The following EPHA6 variants were observed in gnomAD, a reference collection of about 807,000 sequenced individuals.
EPHA6 encodes ephrin type-A receptor 6.
In EPHA6, 50 loss-of-function variants were observed where a neutral mutation model predicts 112.0. The ratio of observed to expected loss-of-function variants is 0.45; its 90% CI spans 0.36 to 0.56. The LOEUF is 0.56. Ranked by LOEUF, EPHA6 falls within the 20% of genes least tolerant of loss-of-function variation. The pLI, the probability that EPHA6 is intolerant of heterozygous loss-of-function variation, is 0.00. For synonymous variants in EPHA6, 529 were observed against 490.7 expected (o/e 1.08, Z -1.03); for missense variants, 1,280 against 1,417.4 (o/e 0.90, Z 1.56).
intron 8 of EPHA6, among the ~76,000 whole-genome samples, chr3:97,478,031 T>G (rs2107471525): frequency 6.6e-6 from 1 of 152,244 alleles, no homozygotes; most frequent in Admixed American, 6.5e-5. Context: ...AGTTCTAGGG[T>G]ACATGTGCAC....
At chr3:97,570,531 A>C (rs920327222) in intron 11 of EPHA6, among the ~76,000 whole-genome samples, 1 of 152,160 alleles carries the variant, frequency 6.6e-6, no homozygotes, top group African/African-American at 2.4e-5. Flanking sequence ...GGAGTTGAAC[A>C]CCAGCCTGGC....
At chr3:97,596,871 A>G (rs2093596565) in intron 12 of EPHA6, among the ~76,000 whole-genome samples, 1 of 52,374 alleles carries the variant, frequency 1.9e-5, no homozygotes, top group Non-Finnish European at 3.3e-5. Flanking sequence ...ATATATATCT[A>G]TGGAATATAT....
At chr3:97,285,119 G>C (rs903146620) in intron 5 of EPHA6, among the ~76,000 whole-genome samples, 2 of 151,982 alleles carry the variant, frequency 1.3e-5, no homozygotes, top group African/African-American at 2.4e-5. Context: ...CAAATACCAC[G>C]ACTCTTCATC....
chr3:96,983,772 A>G (rs1337717025), intron 2 of EPHA6, among the ~76,000 whole-genome samples: 2 of 152,146 alleles, frequency 1.3e-5, no homozygotes, highest in African/African-American at 4.8e-5. Flanking sequence ...TGTTTTCTCT[A>G]AACTTCTCTT....
chr3:96,952,200 G>A (rs2041571662), intron 2 of EPHA6, among the ~76,000 whole-genome samples: 1 of 152,186 alleles, frequency 6.6e-6, no homozygotes, highest in African/African-American at 2.4e-5. Context: ...GTGTTAAATA[G>A]CTTGATAAGC....
chr3:97,346,390 GATATA>G (rs1230595728), intron 5 of EPHA6, among the ~76,000 whole-genome samples: 1 of 152,094 alleles, frequency 6.6e-6, no homozygotes, highest in African/African-American at 2.4e-5. Flanking sequence ...AAAAGAAACA[GATATA>G]ATAAATGCCT....
intron 11 of EPHA6, among the ~76,000 whole-genome samples, chr3:97,534,567 A>G (rs757557753): frequency 6.6e-6 from 1 of 151,906 alleles, no homozygotes; most frequent in Admixed American, 6.6e-5. Context: ...ATTAAATAAC[A>G]TAATTCTGCC....
intron 2 of EPHA6, among the ~76,000 whole-genome samples, chr3:96,892,639 A>C (rs978807588): frequency 6.6e-6 from 1 of 150,972 alleles, no homozygotes; most frequent in African/African-American, 2.4e-5. Flanking sequence ...TGACTGCCCA[A>C]ATCTCGGAAT....
At chr3:96,858,575 T>A (rs1471612564) in intron 1 of EPHA6, among the ~76,000 whole-genome samples, 1 of 152,104 alleles carries the variant, frequency 6.6e-6, no homozygotes, top group Non-Finnish European at 1.5e-5. Flanking sequence ...GGCGCTGTTA[T>A]CAATTCAAAT....
intron 2 of EPHA6, among the ~76,000 whole-genome samples, chr3:96,867,872 C>A (rs1162374275): frequency 6.6e-6 from 1 of 151,838 alleles, no homozygotes; most frequent in African/African-American, 2.4e-5. Context: ...ACTAAAATAT[C>A]CTATGAAGAG....
rs1034461781 is a variant in EPHA6 at position 97,752,705 on chromosome 3, G to A, written c.*4004G>A. 1.3e-5 allele frequency among the ~76,000 whole-genome samples: 2 copies of A among 152,022 alleles called. No individual in the cohort carries two copies. Among genetic ancestry groups the A allele is most frequent in the Non-Finnish European group, 2.9e-5 (2 of 67,950 alleles). On this transcript the variant is annotated 3_prime_UTR_variant, in exon 18 of 18. Coordinates refer to ENST00000389672, the MANE Select transcript of EPHA6 (RefSeq NM_001080448.3). ...ATGGGTTCTGGCTTTTCCTTAACTT[G>A]AAATCAAGTTTTTGGAAAGTAATTT...
At chr3:97,463,909 A>G (rs2090970773) in intron 7 of EPHA6, among the ~76,000 whole-genome samples, 2 of 152,180 alleles carry the variant, frequency 1.3e-5, no homozygotes, top group South Asian at 4.1e-4. Context: ...CAGATATCAC[A>G]TAAACCATGA....
chr3:97,186,277 G>T (rs2108464589), intron 3 of EPHA6, among the ~76,000 whole-genome samples: 1 of 152,172 alleles, frequency 6.6e-6, no homozygotes, highest in South Asian at 2.1e-4. Context: ...TATAGAATTT[G>T]GGGCCCCAAG....
intron 2 of EPHA6, among the ~76,000 whole-genome samples, chr3:96,888,204 G>C (rs2037746129): frequency 6.6e-6 from 1 of 152,096 alleles, no homozygotes; most frequent in Non-Finnish European, 1.5e-5. Context: ...TTGAATCCCT[G>C]TGGTGCCAGG....
intron 5 of EPHA6, among the ~76,000 whole-genome samples, chr3:97,322,895 A>T (rs2082187797): frequency 1.3e-5 from 2 of 152,004 alleles, no homozygotes; most frequent in South Asian, 4.1e-4. Flanking sequence ...TGCCTAGTAT[A>T]TTATTTAATC....
At chr3:97,365,718 T>G (rs2084686179) in intron 5 of EPHA6, among the ~76,000 whole-genome samples, 1 of 152,172 alleles carries the variant, frequency 6.6e-6, no homozygotes, top group African/African-American at 2.4e-5. Flanking sequence ...AATTTTTTAC[T>G]CATCTATTTG....
At chr3:96,987,223 CT>C in intron 2 of EPHA6, 106 bp from the exon 3 acceptor site, 1 of 943,180 alleles carries the variant, frequency 1.1e-6, no homozygotes. Context: ...CATTTGTATC[CT>C]TTTAATTCAT....
rs555024466 is a variant in EPHA6, at chr3:97,138,714, T to A, written c.1115-87550T>A. Among the ~76,000 whole-genome samples the A allele has an allele frequency of 1.8e-4, 27 of 152,292 alleles. No homozygotes were observed. The South Asian group carries it at 5.6e-3, about 32-fold the overall frequency. ...CTCCACTGTCCAAATACAGAAAAGATCATGGTGTGGGTCCCTGTTGTGGCA... is the reference window on the plus strand; with the variant it reads ...CTCCACTGTCCAAATACAGAAAAGAACATGGTGTGGGTCCCTGTTGTGGCA... On this transcript the variant is annotated intron_variant, in intron 3 of 17. Coordinates refer to ENST00000389672, the MANE Select transcript of EPHA6 (RefSeq NM_001080448.3).
intron 1 of EPHA6, among the ~76,000 whole-genome samples, chr3:96,816,988 T>C (rs2032842543): frequency 6.6e-6 from 1 of 152,052 alleles, no homozygotes; most frequent in South Asian, 2.1e-4. Flanking sequence ...ACTTAGTGAA[T>C]GAGTATTATC....
Sources: allele counts gnomAD v4.1 joint callset (sites outside exome capture counted in the v4.1 genomes callset), GRCh38; gene constraint gnomAD v4.1.1; transcripts MANE v1.5; gene names NCBI Gene and HGNC (gene_info 2026-07-23, HGNC 2026-07-21).